The following SCAPER variants were observed in gnomAD, a reference collection of about 807,000 sequenced individuals.
The protein encoded by SCAPER is S phase cyclin A-associated protein in the endoplasmic reticulum.
A neutral mutation model predicts 182.2 loss-of-function variants in SCAPER; 98 were observed. The ratio of observed to expected loss-of-function variants is 0.54; its 90% CI spans 0.46 to 0.64. The LOEUF (loss-of-function observed/expected upper bound fraction) is 0.64, where lower values mean the gene tolerates loss of function less well. Among genes scored for constraint, SCAPER ranks in the 30% least tolerant of loss-of-function variants. The probability of loss-of-function intolerance (pLI) is 0.00; values close to 1 mark genes in which losing one functional copy is unlikely to be tolerated. For missense variants in SCAPER, 1,432 were observed against 1,690.0 expected (o/e 0.85, Z 2.68); for synonymous variants, 605 against 564.6 (o/e 1.07, Z -1.01).
At chr15:76,654,791 AT>A (rs1353898765) in intron 21 of SCAPER, among the ~76,000 whole-genome samples, 1 of 152,166 alleles carries the variant, frequency 6.6e-6, no homozygotes, top group Non-Finnish European at 1.5e-5. Flanking sequence ...CTCTTTTACA[AT>A]TTTGGGTCTG....
chr15:76,571,319 C>A (rs1235371325), intron 23 of SCAPER, among the ~76,000 whole-genome samples: 1 of 152,038 alleles, frequency 6.6e-6, no homozygotes, highest in Non-Finnish European at 1.5e-5. Flanking sequence ...ATACCCAGTA[C>A]CCTAGACCAA....
intron 23 of SCAPER, among the ~76,000 whole-genome samples, chr15:76,551,979 C>T (rs1478414187): frequency 1.3e-5 from 2 of 150,028 alleles, no homozygotes; most frequent in South Asian, 2.1e-4. Context: ...CTGTGACCTG[C>T]AGGTTGTAAA....
chr15:76,485,153 C>A (rs1289975400), intron 24 of SCAPER, among the ~76,000 whole-genome samples: 1 of 152,096 alleles, frequency 6.6e-6, no homozygotes, highest in Non-Finnish European at 1.5e-5. Context: ...TCTAGAAAAC[C>A]CCACAGTCTT....
intron 17 of SCAPER, 35 bp downstream of exon 17, chr15:76,728,560 G>T (rs1282443879): frequency 2.5e-6 from 4 of 1,612,182 alleles, no homozygotes; most frequent in Non-Finnish European, 3.4e-6. Flanking sequence ...TATTCACTCA[G>T]TGCAAAATGT....
At chr15:76,725,374 T>C (rs910067331) in intron 17 of SCAPER, among the ~76,000 whole-genome samples, 4 of 151,486 alleles carry the variant, frequency 2.6e-5, no homozygotes, top group Admixed American at 6.6e-5. Flanking sequence ...GCCTCATCCT[T>C]TACAAGCAGC....
intron 5 of SCAPER, among the ~76,000 whole-genome samples, chr15:76,817,785 T>C (rs965169981): frequency 1.3e-5 from 2 of 152,080 alleles, no homozygotes; most frequent in African/African-American, 4.8e-5. Context: ...GTATAAGATC[T>C]ATATTAGGAA....
intron 21 of SCAPER, among the ~76,000 whole-genome samples, chr15:76,633,965 A>G (rs907119694): frequency 6.6e-6 from 1 of 152,136 alleles, no homozygotes; most frequent in African/African-American, 2.4e-5. Context: ...CCCCCTTCCC[A>G]TGGAGTGGAT....
At chr15:76,868,970 A>G (rs969237970) in intron 2 of SCAPER, among the ~76,000 whole-genome samples, 2 of 152,220 alleles carry the variant, frequency 1.3e-5, no homozygotes. Context: ...ATGCATTTAC[A>G]GCCAACTAAT....
At chr15:76,478,980 T>G (rs1363481298) in intron 24 of SCAPER, among the ~76,000 whole-genome samples, 3 of 152,186 alleles carry the variant, frequency 2.0e-5, no homozygotes, top group African/African-American at 7.2e-5. Flanking sequence ...GTTTCAAATC[T>G]TTTGTGCGTT....
chr15:76,670,062 C>A (rs1469374302), intron 20 of SCAPER, among the ~76,000 whole-genome samples: 1 of 152,134 alleles, frequency 6.6e-6, no homozygotes, highest in Non-Finnish European at 1.5e-5. Context: ...CCACATACAT[C>A]AGGCATTCAT....
At chr15:76,723,344 T>C (rs2150982987) in intron 17 of SCAPER, among the ~76,000 whole-genome samples, 1 of 152,328 alleles carries the variant, frequency 6.6e-6, no homozygotes, top group East Asian at 1.9e-4. Flanking sequence ...GTGTTTTACT[T>C]CCAACTATGT....
At chr15:76,507,244 C>T (rs1009814193) in intron 23 of SCAPER, among the ~76,000 whole-genome samples, 2 of 152,142 alleles carry the variant, frequency 1.3e-5, no homozygotes, top group Non-Finnish European at 2.9e-5. Context: ...TACACCTGCA[C>T]AGTCAAGAAG....
chr15:76,652,309 T>TACACACACAC (rs1327915758), intron 21 of SCAPER, among the ~76,000 whole-genome samples: 1 of 14,162 alleles, frequency 7.1e-5, no homozygotes, highest in African/African-American at 3.7e-4. Flanking sequence ...TATATATATA[T>TACACACACAC]ACACACACAC....
chr15:76,838,347 T>C (rs747932008), intron 5 of SCAPER, among the ~76,000 whole-genome samples: 3 of 152,096 alleles, frequency 2.0e-5, no homozygotes, highest in African/African-American at 7.2e-5. Flanking sequence ...GAGCTAAAGA[T>C]TGAGTACGCA....
At chr15:76,580,719 C>A (rs1278751573) in intron 22 of SCAPER, among the ~76,000 whole-genome samples, 8 of 151,884 alleles carry the variant, frequency 5.3e-5, no homozygotes, top group African/African-American at 1.9e-4. Flanking sequence ...AGTAGAAAAA[C>A]TTCAAATAAA....
At chr15:76,725,838 A>C (rs2060553197) in intron 17 of SCAPER, among the ~76,000 whole-genome samples, 1 of 151,766 alleles carries the variant, frequency 6.6e-6, no homozygotes, top group Non-Finnish European at 1.5e-5. Context: ...ACAAAAATTA[A>C]CTAAAACTAT....
At chr15:76,810,245 C>G (rs1284739434) in intron 5 of SCAPER, among the ~76,000 whole-genome samples, 1 of 151,730 alleles carries the variant, frequency 6.6e-6, no homozygotes, top group Non-Finnish European at 1.5e-5. Context: ...AATTATAATC[C>G]TATTATAAAA....
intron 30 of SCAPER, among the ~76,000 whole-genome samples, chr15:76,352,327 T>C (rs2040613615): frequency 6.6e-6 from 1 of 152,070 alleles, no homozygotes; most frequent in African/African-American, 2.4e-5. Context: ...TAATGAAAGA[T>C]CTGTGAAGGC....
chr15:76,471,854 T>C (rs1221730431), intron 24 of SCAPER, among the ~76,000 whole-genome samples: 3 of 151,970 alleles, frequency 2.0e-5, no homozygotes, highest in Non-Finnish European at 4.4e-5. Context: ...CATGGATGAG[T>C]GCCTGAGCAG....
Sources: gnomAD v4.1 joint callset for allele counts (sites outside exome capture counted in the v4.1 genomes callset) on GRCh38, gnomAD v4.1.1 for gene constraint, MANE v1.5 for transcripts, NCBI Gene and HGNC (gene_info 2026-07-23, HGNC 2026-07-21) for gene names.